The following ATXN10 variants were observed in gnomAD, a reference collection of about 807,000 sequenced individuals.
ATXN10 encodes the protein ataxin-10.
Under a neutral mutation model 52.9 loss-of-function variants are expected in ATXN10, and 28 were observed. The ratio of observed to expected loss-of-function variants is 0.53; its 90% CI spans 0.39 to 0.73. The LOEUF is 0.73. ATXN10 is among the 30% of genes least tolerant of loss of function. ATXN10 has a pLI of 0.00. For synonymous variants in ATXN10, 226 were observed against 221.5 expected (o/e 1.02, Z -0.18); for missense variants, 565 against 577.0 (o/e 0.98, Z 0.21).
intron 6 of ATXN10, among the ~76,000 whole-genome samples, chr22:45,721,266 T>G (rs1406722565): frequency 6.6e-6 from 1 of 152,244 alleles, no homozygotes; most frequent in Non-Finnish European, 1.5e-5. Context: ...CAAATTGGAC[T>G]AGCTGCTCGT....
rs561184424 is a variant in ATXN10 at position 45,750,842 on chromosome 22, TA to T, written c.1173+10310del. On this transcript the variant is annotated intron_variant, in intron 9 of 11. Coordinates refer to ENST00000252934, the MANE Select transcript of ATXN10 (RefSeq NM_013236.4). This position sits in a 1 kb window ranked among gnomAD's most constrained non-coding sequence, Gnocchi z 4.2. Reference sequence around the variant, plus strand: ...AAGGAAAGCTTATTACAAAAGCTTGTAAAAAAGCTTATGTAAAGAGTTTTTC... The same window carrying T: ...AAGGAAAGCTTATTACAAAAGCTTGTAAAAAGCTTATGTAAAGAGTTTTTC... Among the ~76,000 whole-genome samples, 4 of 152,298 alleles carry T rather than the reference TA, an allele frequency of 2.6e-5. No homozygotes were observed. The highest frequency in any genetic ancestry group is 3.9e-4 in the East Asian group (2 of 5,190).
At chr22:45,761,982 A>G (rs1040619718) in intron 9 of ATXN10, among the ~76,000 whole-genome samples, 1 of 152,206 alleles carries the variant, frequency 6.6e-6, no homozygotes, top group Non-Finnish European at 1.5e-5. Flanking sequence ...AATGGACCAT[A>G]TTCGCCTTTA....
intron 7 of ATXN10, among the ~76,000 whole-genome samples, chr22:45,736,356 A>G (rs1408092916): frequency 6.6e-6 from 1 of 152,210 alleles, no homozygotes; most frequent in Non-Finnish European, 1.5e-5. Context: ...CAAGTATAAT[A>G]TGAAGAAAAC....
chr22:45,830,761 G>A (rs763290040), intron 10 of ATXN10, among the ~76,000 whole-genome samples: 8 of 151,856 alleles, frequency 5.3e-5, no homozygotes, highest in Non-Finnish European at 1.2e-4. Flanking sequence ...TTACTGATGG[G>A]AATGTAAAAT....
At chr22:45,813,416 G>GT (rs535658011) in intron 10 of ATXN10, among the ~76,000 whole-genome samples, 170 of 134,094 alleles carry the variant, frequency 1.3e-3, no homozygotes, top group Non-Finnish European at 2.4e-3. Context: ...GTTGTTTTGG[G>GT]TTTTTTTGTT....
chr22:45,705,143 A>T lies in ATXN10; in HGVS notation c.647+2296A>T, dbSNP rs979346452. Among the ~76,000 whole-genome samples, 6 of 152,056 alleles carry T rather than the reference A, an allele frequency of 3.9e-5. No homozygotes were observed. The highest frequency in any genetic ancestry group is 1.4e-4 in the African/African-American group (6 of 41,390). On this transcript the variant is annotated intron_variant, in intron 5 of 11. Transcript: ENST00000252934. The surrounding 1 kb of genome is among the most constrained non-coding windows in gnomAD (Gnocchi z 5.2). Reference sequence around the variant, plus strand: ...GTTCATAGTGTATAATCCTTTTTATATGTTGCTGGATTCGGTTCATATTTT... The same window carrying T: ...GTTCATAGTGTATAATCCTTTTTATTTGTTGCTGGATTCGGTTCATATTTT...
Position 45,689,722 on chromosome 22 carries a change from C to G in ATXN10, c.127C>G (p.Pro43Ala). ...TTTATCCTTTTTCAGAGAAACAGCA[C>G]CCAGGACTATCTTCCAAAGAGTTCT... ...FKEQRNRETA[P>A]RTIFQRVLDI... The change falls in exon 2 of 12, where the codon CCC becomes GCC. Residue 43 changes from proline (P) to alanine (A), a missense_variant. By Grantham distance (27) the Pro-to-Ala change is conservative (BLOSUM62 -1). Coordinates refer to ENST00000252934, the MANE Select transcript of ATXN10 (RefSeq NM_013236.4). 1 of 1,613,844 alleles carries G rather than the reference C, an allele frequency of 6.2e-7. No individual in the cohort carries two copies. The highest frequency in any genetic ancestry group is 1.7e-5 in the Admixed American group (1 of 60,020).
intron 7 of ATXN10, among the ~76,000 whole-genome samples, chr22:45,737,405 A>G (rs1322164686): frequency 1.3e-5 from 2 of 152,202 alleles, no homozygotes; most frequent in African/African-American, 4.8e-5. Context: ...AGGTTGATGA[A>G]GCTTTGTGAA....
At position 45,671,876 on chromosome 22, in the gene ATXN10, A is replaced by G. The variant is rs1281860420; in HGVS notation, c.-188A>G. The G allele has an allele frequency of 5.0e-6, 3 of 599,600 alleles. No individual in the cohort carries two copies. Among genetic ancestry groups the G allele is most frequent in the East Asian group, 6.8e-5 (2 of 29,484 alleles). 37.1% of individuals were successfully genotyped at this position (599,600 alleles called of 1,614,324 possible). A position where few individuals can be genotyped will look rare whatever the true frequency, so the allele number is the denominator to read the frequency against. ...CCTGAGGCGAGTCTGGGCTCAGCCTAGAGCTCTCCGGCGGCGGCGCAGCTT... is the reference window on the plus strand; with the variant it reads ...CCTGAGGCGAGTCTGGGCTCAGCCTGGAGCTCTCCGGCGGCGGCGCAGCTT... On this transcript the variant is annotated 5_prime_UTR_variant, in exon 1 of 12. Transcript: ENST00000252934.
chr22:45,720,478 G>A (rs1601605505), intron 6 of ATXN10, among the ~76,000 whole-genome samples: 2 of 152,252 alleles, frequency 1.3e-5, no homozygotes, highest in Middle Eastern at 3.4e-3. Context: ...CTGGGAGTAC[G>A]GGTGTGGGTC....
At chr22:45,752,914 A>C (rs943220982) in intron 9 of ATXN10, among the ~76,000 whole-genome samples, 1 of 151,802 alleles carries the variant, frequency 6.6e-6, no homozygotes, top group Non-Finnish European at 1.5e-5. Context: ...TTGTATTTTT[A>C]GTAGAGGTGG....
At chr22:45,700,504 C>T in intron 4 of ATXN10, 126 bp downstream of exon 4, 1 of 768,504 alleles carries the variant, frequency 1.3e-6, no homozygotes, top group South Asian at 1.5e-5. Context: ...AGTAGTTGTT[C>T]TTGGTGGGTG....
At chr22:45,749,496 G>C (rs190583235) in intron 9 of ATXN10, among the ~76,000 whole-genome samples, 195 of 152,182 alleles carry the variant, frequency 1.3e-3, no homozygotes, top group Admixed American at 4.8e-3. Context: ...AATTCTTACT[G>C]AACTTTTTTC....
At position 45,773,489 on chromosome 22, in the gene ATXN10, C is replaced by T. The variant is rs556955670; in HGVS notation, c.1173+32951C>T. Among the ~76,000 whole-genome samples the T allele has an allele frequency of 7.3e-5, 11 of 150,642 alleles. No homozygotes were observed. In the South Asian group the frequency reaches 1.7e-3, roughly 23 times the overall value. On this transcript the variant is annotated intron_variant, in intron 9 of 11. Transcript: ENST00000252934. ...ATTTATTTATTTGAGATAGGTGTCT[C>T]GCTCTGTCACCCAGGCTGGAGTGCA...
In ATXN10 at chr22:45,842,882, A is replaced by G; in HGVS notation, c.1238-109A>G. ...CATCCTCAAGAAAACTTGTGGATTG[A>G]TACTGGATGTTCCGTGTTTCTGTGC... On this transcript the variant is annotated intron_variant, in intron 10 of 11. Transcript: ENST00000252934. This position sits in a 1 kb window ranked among gnomAD's most constrained non-coding sequence, Gnocchi z 4.8. 8.2e-7 allele frequency: 1 copy of G among 1,219,758 alleles called. No individual in the cohort carries two copies. The highest frequency in any genetic ancestry group is 1.2e-6 in the Non-Finnish European group (1 of 831,066). 75.6% of individuals were successfully genotyped at this position (1,219,758 alleles called of 1,614,324 possible).
chr22:45,798,203 C>T (rs991340363), intron 9 of ATXN10, among the ~76,000 whole-genome samples: 3 of 152,144 alleles, frequency 2.0e-5, no homozygotes, highest in African/African-American at 7.2e-5. Flanking sequence ...CAAATCCGGA[C>T]AAAAACCTTA....
intron 6 of ATXN10, among the ~76,000 whole-genome samples, chr22:45,725,809 G>A (rs113348700): frequency 1.3e-5 from 2 of 152,210 alleles, no homozygotes; most frequent in African/African-American, 4.8e-5. Context: ...GGTTTGTCAT[G>A]TGTGGCTTTT....
intron 3 of ATXN10, among the ~76,000 whole-genome samples, chr22:45,699,346 C>T (rs1357171423): frequency 1.3e-5 from 2 of 152,004 alleles, no homozygotes; most frequent in Non-Finnish European, 2.9e-5. Flanking sequence ...GAGCATTAAT[C>T]TTATGTGCCT....
At chr22:45,802,055 G>T (rs572712086) in intron 9 of ATXN10, among the ~76,000 whole-genome samples, 1 of 152,354 alleles carries the variant, frequency 6.6e-6, no homozygotes, top group East Asian at 1.9e-4. Flanking sequence ...AGTTGGGCCT[G>T]TACCCTTAGC....
Sources: allele counts gnomAD v4.1 joint callset (sites outside exome capture counted in the v4.1 genomes callset), GRCh38; gene constraint gnomAD v4.1.1; non-coding constraint Gnocchi (gnomAD v3.1); transcripts MANE v1.5; gene names NCBI Gene and HGNC (gene_info 2026-07-23, HGNC 2026-07-21).